The following KCNIP4 variants were observed in gnomAD, a reference collection of about 807,000 sequenced individuals.
KCNIP4 encodes the protein Kv channel-interacting protein 4.
A neutral mutation model predicts 34.0 loss-of-function variants in KCNIP4; 12 were observed. The ratio of observed to expected loss-of-function variants is 0.35; its 90% CI spans 0.23 to 0.57. KCNIP4 has a LOEUF of 0.57. Among genes scored for constraint, KCNIP4 ranks in the 20% least tolerant of loss-of-function variants. The pLI is 0.83. For missense variants in KCNIP4, 238 were observed against 311.7 expected (o/e 0.76, Z 1.78); for synonymous variants, 124 against 102.2 (o/e 1.21, Z -1.29).
At chr4:21,636,333 T>C (rs1348502409) in intron 1 of KCNIP4, among the ~76,000 whole-genome samples, 1 of 151,972 alleles carries the variant, frequency 6.6e-6, no homozygotes, top group African/African-American at 2.4e-5. Context: ...TGATATAAAT[T>C]TGGACTTGCA....
At chr4:21,807,809 T>G (rs906290096) in intron 1 of KCNIP4, among the ~76,000 whole-genome samples, 2 of 152,176 alleles carry the variant, frequency 1.3e-5, no homozygotes, top group African/African-American at 4.8e-5. Context: ...AAATAAAATT[T>G]AGATCCTCAT....
intron 1 of KCNIP4, among the ~76,000 whole-genome samples, chr4:21,051,593 A>G (rs1444013289): frequency 6.6e-6 from 1 of 152,130 alleles, no homozygotes; most frequent in Non-Finnish European, 1.5e-5. Flanking sequence ...TTTTACACAT[A>G]ATAGACAATT....
chr4:21,260,469 G>T (rs1284805362), intron 1 of KCNIP4, among the ~76,000 whole-genome samples: 2 of 152,136 alleles, frequency 1.3e-5, no homozygotes, highest in Non-Finnish European at 2.9e-5. Context: ...GACGTAGTTT[G>T]CGAGAAAGGG....
rs564997655 is a variant in KCNIP4 at position 21,611,930 on chromosome 4, G to A, written c.61+336641C>T. 8.5e-5 allele frequency among the ~76,000 whole-genome samples: 13 copies of A among 152,254 alleles called. No homozygotes were observed. In the South Asian group the frequency reaches 2.5e-3, roughly 29 times the overall value. ...GGATCACTGTTTGCATTCTCAGTAA[G>A]ATAAACTTAGAGAAACTGCATGTTT... On this transcript the variant is annotated intron_variant, in intron 1 of 8. Coordinates refer to ENST00000382152, the MANE Select transcript of KCNIP4 (RefSeq NM_025221.6).
In KCNIP4 at chr4:20,750,411, A is replaced by G. The variant is rs978220774; in HGVS notation, c.359-679T>C. Among the ~76,000 whole-genome samples, 3 of 152,086 alleles carry G rather than the reference A, an allele frequency of 2.0e-5. No individual in the cohort carries two copies. The South Asian group carries it at 6.2e-4, about 32-fold the overall frequency. On this transcript the variant is annotated intron_variant, in intron 4 of 8. Transcript: ENST00000382152. ...TTGGAAGGGGACTGGGTGGTCCTAC[A>G]TGTTCCTAGTTGTATGAAGTTGCAT...
chr4:21,611,463 A>T (rs960484372), intron 1 of KCNIP4, among the ~76,000 whole-genome samples: 3 of 152,124 alleles, frequency 2.0e-5, no homozygotes, highest in African/African-American at 7.2e-5. Context: ...CCCTAGATAC[A>T]TGGGGATTAT....
At chr4:21,179,389 A>G (rs1284347196) in intron 1 of KCNIP4, among the ~76,000 whole-genome samples, 3 of 152,238 alleles carry the variant, frequency 2.0e-5, no homozygotes, top group Non-Finnish European at 2.9e-5. Context: ...TAAGGAAATA[A>G]CAAAGATGTG....
At chr4:20,771,310 T>C (rs1755856820) in intron 3 of KCNIP4, among the ~76,000 whole-genome samples, 1 of 152,242 alleles carries the variant, frequency 6.6e-6, no homozygotes. Context: ...GGCTAGATTC[T>C]GGCCCCTTGA....
chr4:21,294,627 C>T lies in KCNIP4; in HGVS notation c.62-411918G>A, dbSNP rs369823723. 3.1e-3 allele frequency among the ~76,000 whole-genome samples: 472 copies of T among 152,146 alleles called. 4 individuals are homozygous for T. Among genetic ancestry groups the T allele is most frequent in the African/African-American group, 0.011 (438 of 41,510 alleles). ...AATATGTAAAATGGTGAGGTCCTCA[C>T]CTAGAATATAATGATCACTCTATTA... On this transcript the variant is annotated intron_variant, in intron 1 of 8. Transcript: ENST00000382152.
At chr4:21,271,752 C>T (rs1485515) in intron 1 of KCNIP4, among the ~76,000 whole-genome samples, 39,004 of 151,880 alleles carry the variant, frequency 0.26, 5,192 homozygotes, top group South Asian at 0.35. Context: ...CTATAAGGCT[C>T]GCACACACAT....
At position 21,519,668 on chromosome 4, in the gene KCNIP4, GTGTGTGTATGTATGTGTA is replaced by G. The variant is rs879919273; in HGVS notation, c.61+428885_61+428902del. 3.6e-3 allele frequency among the ~76,000 whole-genome samples: 520 copies of G among 143,666 alleles called. 8 individuals are homozygous for G. The highest frequency in any genetic ancestry group is 0.018 in the East Asian group (84 of 4,698). The allele number at this position is 143,666 out of a possible 152,430, so 94.3% of individuals were successfully genotyped here. On this transcript the variant is annotated intron_variant, in intron 1 of 8. Transcript: ENST00000382152. ...TGTGTATGTATGTGTATATATACAC[GTGTGTGTATGTATGTGTA>G]TATACACACGTGTGTGTATGTATGT... is the stretch of plus-strand genomic sequence containing the variant.
At position 21,948,674 on chromosome 4, in the gene KCNIP4, C is replaced by T. The variant is rs1163174318; in HGVS notation, c.-43G>A. 1.9e-6 allele frequency: 3 copies of T among 1,596,308 alleles called. No individual in the cohort carries two copies. Among genetic ancestry groups the T allele is most frequent in the South Asian group, 1.1e-5 (1 of 88,450 alleles). On this transcript the variant is annotated 5_prime_UTR_variant, in exon 1 of 9. Transcript: ENST00000382152. ...GCAGAAGCGAGACTCGAGAGTCCAC[C>T]GGCCAGGGGCGTCTGTCCACGGGTC...
At chr4:21,536,220 T>C (rs1737152837) in intron 1 of KCNIP4, among the ~76,000 whole-genome samples, 2 of 152,148 alleles carry the variant, frequency 1.3e-5, no homozygotes, top group African/African-American at 2.4e-5. Context: ...TGGGCCCAGC[T>C]GGTGTCCTGC....
intron 1 of KCNIP4, among the ~76,000 whole-genome samples, chr4:21,511,040 T>C (rs888419383): frequency 1.3e-5 from 2 of 151,756 alleles, no homozygotes; most frequent in African/African-American, 4.8e-5. Context: ...AAAGACCCTA[T>C]CTCAAAAATA....
At chr4:21,487,800 A>T (rs4314271) in intron 1 of KCNIP4, among the ~76,000 whole-genome samples, 7 of 152,014 alleles carry the variant, frequency 4.6e-5, no homozygotes, top group South Asian at 2.1e-4. Flanking sequence ...CACCTTTGGT[A>T]GTTAGGAGCT....
intron 1 of KCNIP4, among the ~76,000 whole-genome samples, chr4:21,037,937 C>A (rs943641575): frequency 5.3e-5 from 8 of 150,254 alleles, no homozygotes; most frequent in Non-Finnish European, 1.0e-4. Flanking sequence ...TAAACTAGCC[C>A]AAAAAACAAA....
At chr4:21,522,951 G>A (rs1030793443) in intron 1 of KCNIP4, among the ~76,000 whole-genome samples, 1 of 151,904 alleles carries the variant, frequency 6.6e-6, no homozygotes, top group African/African-American at 2.4e-5. Context: ...TAACATTCAA[G>A]CTGATGGTGT....
chr4:20,749,818 C>T, intron 4 of KCNIP4, 86 bp from the exon 5 acceptor site: 3 of 814,278 alleles, frequency 3.7e-6, no homozygotes, highest in Non-Finnish European at 5.9e-6. Flanking sequence ...TTCCTTTGAT[C>T]CAGAAGAATT....
Position 21,528,780 on chromosome 4 carries a change from GAAGA to G in KCNIP4, c.61+419787_61+419790del, listed in dbSNP as rs1329100696. On this transcript the variant is annotated intron_variant, in intron 1 of 8. Transcript: ENST00000382152. ...GAAAGAAAGAAAGAAAGAAAGAAAG[GAAGA>G]AAGGAAGAAAGGAAGAAAGGAAGGA... 2.8e-3 allele frequency among the ~76,000 whole-genome samples: 30 copies of G among 10,742 alleles called. 3 individuals are homozygous for G. Among genetic ancestry groups the G allele is most frequent in the South Asian group, 0.011 (2 of 182 alleles). 7.0% of individuals were successfully genotyped at this position (10,742 alleles called of 152,430 possible). A position where few individuals can be genotyped will look rare whatever the true frequency, so the allele number is the denominator to read the frequency against.
Sources: gnomAD v4.1 joint callset for allele counts (sites outside exome capture counted in the v4.1 genomes callset) on GRCh38, gnomAD v4.1.1 for gene constraint, MANE v1.5 for transcripts, NCBI Gene and HGNC (gene_info 2026-07-23, HGNC 2026-07-21) for gene names.